Variants in KLHL2 observed in about 807,000 individuals in gnomAD.
The protein encoded by KLHL2 is kelch like family member 2.
Under a neutral mutation model 75.8 loss-of-function variants are expected in KLHL2, and 15 were observed. That is an observed-to-expected ratio of 0.20 (90% confidence interval 0.13 to 0.30). The LOEUF (loss-of-function observed/expected upper bound fraction) is 0.30. Ranked by LOEUF, KLHL2 falls within the 10% of genes least tolerant of loss-of-function variation. KLHL2 has a pLI of 1.00. For missense variants in KLHL2, 381 were observed against 741.0 expected (o/e 0.51, Z 5.64); for synonymous variants, 214 against 251.9 (o/e 0.85, Z 1.42).
chr4:165,313,719 TATGG>T (rs1187168157), intron 12 of KLHL2, among the ~76,000 whole-genome samples: 3 of 152,184 alleles, frequency 2.0e-5, no homozygotes, highest in Non-Finnish European at 4.4e-5. Context: ...GTTATTTTAC[TATGG>T]ATATTGTTTT....
At chr4:165,229,484 A>G (rs1022071857) in intron 3 of KLHL2, among the ~76,000 whole-genome samples, 2 of 152,230 alleles carry the variant, frequency 1.3e-5, no homozygotes, top group Non-Finnish European at 2.9e-5. Context: ...CGAAGTTTTT[A>G]TCTGTTACAT....
chr4:165,309,926 G>A lies in KLHL2; in HGVS notation c.1040-627G>A, dbSNP rs568992345. Among the ~76,000 whole-genome samples, 9 of 152,270 alleles carry A rather than the reference G, an allele frequency of 5.9e-5. No homozygotes were observed. The South Asian group carries it at 1.9e-3, about 32-fold the overall frequency. On this transcript the variant is annotated intron_variant, in intron 9 of 14. Coordinates refer to ENST00000226725, the MANE Select transcript of KLHL2 (RefSeq NM_007246.4). ...TCCAAAATTGAAAGCTATGGGAGGTGAGTACAGGTTCAAGTAGTTGGAAAA... is the reference window on the plus strand; with the variant it reads ...TCCAAAATTGAAAGCTATGGGAGGTAAGTACAGGTTCAAGTAGTTGGAAAA...
At chr4:165,233,568 C>T (rs1223770894) in intron 3 of KLHL2, among the ~76,000 whole-genome samples, 7 of 152,136 alleles carry the variant, frequency 4.6e-5, no homozygotes, top group African/African-American at 1.7e-4. Context: ...TTTTAAAAAG[C>T]TATATACATG....
intron 5 of KLHL2, among the ~76,000 whole-genome samples, chr4:165,275,074 C>A (rs1742975201): frequency 6.6e-6 from 1 of 152,058 alleles, no homozygotes; most frequent in African/African-American, 2.4e-5. Context: ...GGACTATGGT[C>A]AGCCTTCGTT....
At chr4:165,210,321 C>A in intron 1 of KLHL2, 4 of 870,734 alleles carry the variant, frequency 4.6e-6, no homozygotes, top group Non-Finnish European at 7.4e-6. Flanking sequence ...TTGTTCTCCA[C>A]TGGCCTGTTG....
At chr4:165,249,841 TTGGCCGGGTACGG>T (rs1740547285) in intron 4 of KLHL2, among the ~76,000 whole-genome samples, 1 of 152,148 alleles carries the variant, frequency 6.6e-6, no homozygotes, top group Non-Finnish European at 1.5e-5. Context: ...ATAGTTTCTT[TTGGCCGGGTACGG>T]TGGCTCACGC....
chr4:165,302,139 A>G (rs1021206907), intron 8 of KLHL2, among the ~76,000 whole-genome samples: 2 of 152,052 alleles, frequency 1.3e-5, no homozygotes, highest in Non-Finnish European at 2.9e-5. Context: ...GGGGCAGCAG[A>G]CTTGCTGGAT....
At chr4:165,219,873 C>G in intron 1 of KLHL2, 61 bp from the exon 2 acceptor site, 1 of 1,487,822 alleles carries the variant, frequency 6.7e-7, no homozygotes, top group Non-Finnish European at 9.0e-7. Context: ...GCTTGATAAG[C>G]TGAACTAAAT....
intron 4 of KLHL2, among the ~76,000 whole-genome samples, chr4:165,254,316 C>T (rs1317152897): frequency 1.3e-5 from 2 of 152,144 alleles, no homozygotes; most frequent in African/African-American, 4.8e-5. Flanking sequence ...TATAACATTT[C>T]ATCATGTGGA....
intron 5 of KLHL2, among the ~76,000 whole-genome samples, chr4:165,264,494 T>A (rs1454159604): frequency 6.6e-6 from 1 of 151,232 alleles, no homozygotes; most frequent in Non-Finnish European, 1.5e-5. Context: ...ATTCCTGAGT[T>A]ACTTAACTTA....
intron 2 of KLHL2, among the ~76,000 whole-genome samples, chr4:165,226,660 CT>C (rs1262848211): frequency 1.3e-5 from 2 of 152,216 alleles, no homozygotes. Context: ...TTAAAACCCA[CT>C]AAAATTGGAG....
chr4:165,321,383 T>C (rs1746965203), intron 14 of KLHL2: 1 of 443,296 alleles, frequency 2.3e-6, no homozygotes. Flanking sequence ...ATAGTAAATA[T>C]AGTTCCTCTT....
intron 6 of KLHL2, among the ~76,000 whole-genome samples, chr4:165,295,702 G>A (rs545648580): frequency 6.6e-6 from 1 of 152,286 alleles, no homozygotes; most frequent in South Asian, 2.1e-4. Context: ...AAATAGGGAT[G>A]GGTGGGAATG....
intron 4 of KLHL2, among the ~76,000 whole-genome samples, chr4:165,260,575 T>TTG (rs1553957131): frequency 1.3e-5 from 2 of 148,940 alleles, no homozygotes; most frequent in African/African-American, 5.0e-5. Context: ...TATGTGTGTG[T>TTG]GTGGGGGGGG....
At chr4:165,321,058 G>C (rs970344205) in intron 14 of KLHL2, among the ~76,000 whole-genome samples, 1 of 152,230 alleles carries the variant, frequency 6.6e-6, no homozygotes, top group Admixed American at 6.5e-5. Flanking sequence ...TTATGAAATG[G>C]GCCCTTCTAT....
intron 6 of KLHL2, 128 bp from the exon 7 acceptor site, chr4:165,297,481 A>T (rs144834120): frequency 1.7e-4 from 105 of 634,450 alleles, no homozygotes; most frequent in Non-Finnish European, 2.6e-4. Context: ...TTTTGAAAAC[A>T]CTTGAGCTGT....
At chr4:165,311,406 A>G in intron 10 of KLHL2, 58 bp from the exon 11 acceptor site, 3 of 1,219,634 alleles carry the variant, frequency 2.5e-6, no homozygotes, top group Non-Finnish European at 3.6e-6. Context: ...TTTTCCATAT[A>G]TATGAACTAT....
intron 4 of KLHL2, among the ~76,000 whole-genome samples, chr4:165,262,801 ACTTCTGAACTCAAG>A (rs1741801640): frequency 6.6e-6 from 1 of 152,038 alleles, no homozygotes; most frequent in Admixed American, 6.5e-5. Context: ...CTGGTCTCAA[ACTTCTGAACTCAAG>A]CGATCCTCCT....
chr4:165,302,055 C>T (rs371386028), intron 8 of KLHL2, among the ~76,000 whole-genome samples: 1 of 152,138 alleles, frequency 6.6e-6, no homozygotes, highest in Non-Finnish European at 1.5e-5. Context: ...TCTCAGTTCT[C>T]TAGCTGTTAT....
Sources: gnomAD v4.1 joint callset for allele counts (sites outside exome capture counted in the v4.1 genomes callset) on GRCh38, gnomAD v4.1.1 for gene constraint, MANE v1.5 for transcripts, NCBI Gene and HGNC (gene_info 2026-07-23, HGNC 2026-07-21) for gene names.